C8orf34: variants seen among roughly 807,000 people sequenced by gnomAD.
C8orf34 encodes chromosome 8 open reading frame 34.
A neutral mutation model predicts 68.3 loss-of-function variants in C8orf34; 65 were observed. That is an observed-to-expected ratio of 0.95 (90% confidence interval 0.78 to 1.17). The LOEUF (loss-of-function observed/expected upper bound fraction) is 1.17. C8orf34 is among the 50% of genes most tolerant of loss of function. The pLI is 0.00. For synonymous variants in C8orf34, 244 were observed against 241.2 expected (o/e 1.01, Z -0.11); for missense variants, 664 against 655.4 (o/e 1.01, Z -0.14).
At chr8:68,647,415 C>T (rs1819210732) in intron 8 of C8orf34, among the ~76,000 whole-genome samples, 1 of 152,126 alleles carries the variant, frequency 6.6e-6, no homozygotes, top group Non-Finnish European at 1.5e-5. Context: ...AATAGAATTA[C>T]TATATGTTCC....
chr8:68,415,187 A>C (rs1018451980), intron 1 of C8orf34, among the ~76,000 whole-genome samples: 2 of 152,088 alleles, frequency 1.3e-5, no homozygotes, highest in Non-Finnish European at 2.9e-5. Context: ...GAAAGATAAA[A>C]GTGTATGGAG....
In C8orf34 at chr8:68,533,116, A is replaced by T; in HGVS notation, c.1072A>T (p.Ile358Phe). The T allele has an allele frequency of 1.2e-6, 2 of 1,601,974 alleles. No homozygotes were observed. The highest frequency in any genetic ancestry group is 1.7e-6 in the Non-Finnish European group (2 of 1,175,952). The change falls in exon 7 of 14, where the codon ATT (isoleucine) becomes TTT (phenylalanine). Residue 358 changes from isoleucine (I) to phenylalanine (F), a missense_variant. By Grantham distance (21) the Ile-to-Phe change is conservative. Coordinates refer to ENST00000518698, the MANE Select transcript of C8orf34 (RefSeq NM_052958.4). ...SPTPSVTEEDIDNEDDAMELL... is the reference protein window; with the variant it reads ...SPTPSVTEEDFDNEDDAMELL... ...TACCCCATCTGTAACAGAAGAAGAT[A>T]TTGATAATGAAGATGATGCAATGGA...
At chr8:68,592,143 A>G (rs1306524685) in intron 7 of C8orf34, among the ~76,000 whole-genome samples, 1 of 152,132 alleles carries the variant, frequency 6.6e-6, no homozygotes, top group Admixed American at 6.6e-5. Flanking sequence ...CATTTATTTT[A>G]TAGAGATATT....
At chr8:68,537,060 A>G (rs1385345023) in intron 7 of C8orf34, among the ~76,000 whole-genome samples, 1 of 152,166 alleles carries the variant, frequency 6.6e-6, no homozygotes, top group Non-Finnish European at 1.5e-5. Flanking sequence ...ATCAACTTTT[A>G]TAAAGTAAAT....
At chr8:68,649,030 T>TA (rs1454615105) in intron 8 of C8orf34, among the ~76,000 whole-genome samples, 1 of 152,220 alleles carries the variant, frequency 6.6e-6, no homozygotes, top group Non-Finnish European at 1.5e-5. Context: ...ATTTTTTTTC[T>TA]TAACTATTTT....
chr8:68,461,075 C>T (rs919989194), intron 3 of C8orf34, among the ~76,000 whole-genome samples: 1 of 152,122 alleles, frequency 6.6e-6, no homozygotes, highest in Non-Finnish European at 1.5e-5. Context: ...ACTAGAATAA[C>T]CAATACAGAG....
chr8:68,394,202 A>C (rs1274816954), intron 1 of C8orf34, among the ~76,000 whole-genome samples: 1 of 150,412 alleles, frequency 6.6e-6, no homozygotes, highest in African/African-American at 2.4e-5. Flanking sequence ...CTCGTCATCT[A>C]ACATTAGGTA....
At chr8:68,553,436 G>A (rs1347661572) in intron 7 of C8orf34, among the ~76,000 whole-genome samples, 1 of 144,164 alleles carries the variant, frequency 6.9e-6, no homozygotes, top group Non-Finnish European at 1.5e-5. Context: ...TTTTTTGGAA[G>A]AGTTTATGAA....
At chr8:68,481,168 T>C (rs898421506) in intron 4 of C8orf34, among the ~76,000 whole-genome samples, 2 of 152,116 alleles carry the variant, frequency 1.3e-5, no homozygotes, top group South Asian at 2.1e-4. Flanking sequence ...CAATGTACAA[T>C]GTGGGCTGTG....
At chr8:68,782,837 G>A (rs1469346561) in intron 11 of C8orf34, among the ~76,000 whole-genome samples, 2 of 151,908 alleles carry the variant, frequency 1.3e-5, no homozygotes, top group Admixed American at 1.3e-4. Context: ...GCAGAGGATG[G>A]CTTAATCCCA....
At chr8:68,424,346 T>C (rs927608178) in intron 1 of C8orf34, among the ~76,000 whole-genome samples, 1 of 152,080 alleles carries the variant, frequency 6.6e-6, no homozygotes, top group Non-Finnish European at 1.5e-5. Flanking sequence ...ACTACTAAAA[T>C]AAATGATAGG....
chr8:68,499,028 G>T (rs1048861341), intron 5 of C8orf34, among the ~76,000 whole-genome samples: 1 of 152,152 alleles, frequency 6.6e-6, no homozygotes, highest in East Asian at 1.9e-4. Context: ...CATCAACCAG[G>T]TAGTGAACAT....
At chr8:68,392,735 T>C (rs1808525509) in intron 1 of C8orf34, among the ~76,000 whole-genome samples, 1 of 152,132 alleles carries the variant, frequency 6.6e-6, no homozygotes. Context: ...CAGTTCATTC[T>C]CAATCTATTC....
intron 8 of C8orf34, among the ~76,000 whole-genome samples, chr8:68,697,066 T>G (rs55820094): frequency 0.064 from 9,721 of 152,134 alleles, 404 homozygotes; most frequent in Middle Eastern, 0.12. Context: ...CTGTGCTAGA[T>G]ACCTCTTTTA....
chr8:68,573,817 T>C (rs1816823919), intron 7 of C8orf34, among the ~76,000 whole-genome samples: 1 of 152,188 alleles, frequency 6.6e-6, no homozygotes, highest in African/African-American at 2.4e-5. Context: ...TAGCTTTTTC[T>C]TTGTTCAAGT....
intron 4 of C8orf34, among the ~76,000 whole-genome samples, chr8:68,477,597 A>G (rs1195011820): frequency 6.6e-6 from 1 of 152,192 alleles, no homozygotes; most frequent in Non-Finnish European, 1.5e-5. Context: ...CAGACACTCA[A>G]TGCCAGCCAT....
At chr8:68,498,743 TATC>T (rs1305392009) in intron 5 of C8orf34, among the ~76,000 whole-genome samples, 1 of 152,168 alleles carries the variant, frequency 6.6e-6, no homozygotes, top group Non-Finnish European at 1.5e-5. Flanking sequence ...AAATCAGAAA[TATC>T]ATTAAGAACC....
chr8:68,737,185 C>A (rs1329362431), intron 10 of C8orf34, among the ~76,000 whole-genome samples: 2 of 151,974 alleles, frequency 1.3e-5, no homozygotes, highest in African/African-American at 4.8e-5. Flanking sequence ...GGCAGTATGC[C>A]CTTAAAACTC....
intron 10 of C8orf34, among the ~76,000 whole-genome samples, chr8:68,755,936 G>A (rs193043438): frequency 5.3e-5 from 8 of 152,028 alleles, no homozygotes; most frequent in Admixed American, 1.3e-4. Context: ...GCGTGATGGC[G>A]GGCGCCTGTA....
Sources: allele counts gnomAD v4.1 joint callset (sites outside exome capture counted in the v4.1 genomes callset), GRCh38; gene constraint gnomAD v4.1.1; transcripts MANE v1.5; gene names NCBI Gene and HGNC (gene_info 2026-07-23, HGNC 2026-07-21).